Variants in MYCBP2 observed in about 807,000 individuals in gnomAD.
MYCBP2 encodes MYC binding protein 2, also known as E3 ubiquitin-protein ligase MYCBP2.
Under a neutral mutation model 525.3 loss-of-function variants are expected in MYCBP2, and 120 were observed. The ratio of observed to expected loss-of-function variants is 0.23; its 90% CI spans 0.20 to 0.27. The LOEUF (loss-of-function observed/expected upper bound fraction) is 0.27. Among genes scored for constraint, MYCBP2 ranks in the 10% least tolerant of loss-of-function variants. The probability of loss-of-function intolerance (pLI) is 1.00; values close to 1 mark genes in which losing one functional copy is unlikely to be tolerated. For synonymous variants in MYCBP2, 1,894 were observed against 1,955.8 expected (o/e 0.97, Z 0.83); for missense variants, 4,149 against 5,657.1 (o/e 0.73, Z 8.55).
chr13:77,051,130 T>C lies in MYCBP2; in HGVS notation c.13788A>G (p.Glu4596=), dbSNP rs1440775163. The C allele has an allele frequency of 6.2e-7, 1 of 1,611,820 alleles. No homozygotes were observed. The highest frequency in any genetic ancestry group is 8.5e-7 in the Non-Finnish European group (1 of 1,179,462). ...MCPKHGTDFL[E]YKCRYCCSVA... ...CTGAACAGCAGTAGCGACATTTATA[T>C]TCCAAAAAGTCTGTGCCATGTTTGG... Residue 4596 remains glutamate, a synonymous_variant, in exon 82 of 83, where the codon GAA becomes GAG. Coordinates refer to ENST00000544440, the MANE Select transcript of MYCBP2 (RefSeq NM_015057.5).
Position 77,067,800 on chromosome 13 carries a change from C to T in MYCBP2, c.12236G>A (p.Gly4079Glu). The T allele has an allele frequency of 1.2e-6, 2 of 1,614,130 alleles. No individual in the cohort carries two copies. Among genetic ancestry groups the T allele is most frequent in the Non-Finnish European group, 1.7e-6 (2 of 1,179,998 alleles). The part of the protein sequence containing the change: ...VTPSRLASII[G>E]VKSLPPADIS... ...ATCTGCTGGGGGGAGGGATTTCACTCCTATGATGCTGGCCAGACGACTAGG... is the reference window on the plus strand; with the variant it reads ...ATCTGCTGGGGGGAGGGATTTCACTTCTATGATGCTGGCCAGACGACTAGG... The change falls in exon 71 of 83, where the codon GGA (glycine) becomes GAA (glutamate). Residue 4079 changes from glycine (G) to glutamate (E), a missense_variant. Around this residue, in one of 21 missense-constraint regions of MYCBP2, gnomAD observed 148 missense variants for 179.4 expected, o/e 0.82. Coordinates refer to ENST00000544440, the MANE Select transcript of MYCBP2 (RefSeq NM_015057.5).
At chr13:77,124,249 A>G (rs1480477178) in intron 54 of MYCBP2, among the ~76,000 whole-genome samples, 4 of 152,146 alleles carry the variant, frequency 2.6e-5, no homozygotes, top group African/African-American at 7.2e-5. Context: ...TAAATTTAAG[A>G]TTATATCACC....
rs548646689 is a variant in MYCBP2 at position 77,227,343 on chromosome 13, T to TAA, written c.2738-1791_2738-1790dup. Among the ~76,000 whole-genome samples, 221 of 85,332 alleles carry TAA rather than the reference T, an allele frequency of 2.6e-3. 1 individual carries two copies. The highest frequency in any genetic ancestry group is 9.0e-3 in the African/African-American group (215 of 23,944). The allele number at this position is 85,332 out of a possible 152,430, so 56.0% of individuals were successfully genotyped here. A position where few individuals can be genotyped will look rare whatever the true frequency, so the allele number is the denominator to read the frequency against. On this transcript the variant is annotated intron_variant, in intron 18 of 82. Coordinates refer to ENST00000544440, the MANE Select transcript of MYCBP2 (RefSeq NM_015057.5). ...AAATTAAATCAAAGAATGGATGGAC[T>TAA]AAAAAAAAAAAAAAAAAACCAACAA... is the stretch of plus-strand genomic sequence containing the variant.
chr13:77,326,801 G>A lies in MYCBP2; in HGVS notation c.-26C>T. 1 of 1,397,130 alleles carries A rather than the reference G, an allele frequency of 7.2e-7. No homozygotes were observed. The highest frequency in any genetic ancestry group is 9.2e-7 in the Non-Finnish European group (1 of 1,088,572). 86.5% of individuals were successfully genotyped at this position (1,397,130 alleles called of 1,614,324 possible). ...CCTCGCCGCCGCCGCCGCCGCCGCC[G>A]CCTCGTCCCCGCGGGCCGGGCGGGC... On this transcript the variant is annotated 5_prime_UTR_variant, in exon 1 of 83. Transcript: ENST00000544440. The surrounding 1 kb of genome is among the most constrained non-coding windows in gnomAD (Gnocchi z 4.2).
At chr13:77,200,927 A>G (rs1460276816) in intron 26 of MYCBP2, among the ~76,000 whole-genome samples, 12 of 152,226 alleles carry the variant, frequency 7.9e-5, no homozygotes, top group South Asian at 4.1e-4. Context: ...GGTACCAGCC[A>G]CTGCAAAATC....
intron 14 of MYCBP2, among the ~76,000 whole-genome samples, chr13:77,252,650 A>G (rs1056340636): frequency 1.6e-4 from 25 of 152,266 alleles, no homozygotes; most frequent in African/African-American, 4.8e-4. Context: ...CATTTAACAT[A>G]CAGCTATCAC....
chr13:77,305,466 T>C (rs1301404935), intron 1 of MYCBP2, among the ~76,000 whole-genome samples: 1 of 152,134 alleles, frequency 6.6e-6, no homozygotes, highest in Non-Finnish European at 1.5e-5. Flanking sequence ...TAATTCCATT[T>C]ATATGTAATG....
intron 15 of MYCBP2, among the ~76,000 whole-genome samples, chr13:77,248,004 G>A (rs2070357424): frequency 6.6e-6 from 1 of 151,956 alleles, no homozygotes; most frequent in Non-Finnish European, 1.5e-5. Flanking sequence ...GGTGGGGGAA[G>A]CGGGGAGGGA....
intron 80 of MYCBP2, 93 bp from the exon 81 acceptor site, chr13:77,052,011 G>T: frequency 1.0e-6 from 1 of 957,668 alleles, no homozygotes; most frequent in Non-Finnish European, 1.6e-6. Context: ...AGATCTAGGG[G>T]TTTTAGAAAA....
chr13:77,187,842 C>T (rs926939460), intron 30 of MYCBP2, among the ~76,000 whole-genome samples: 1 of 151,586 alleles, frequency 6.6e-6, no homozygotes, highest in African/African-American at 2.4e-5. Context: ...GTCAGGGGTT[C>T]GAGACCAGCC....
intron 37 of MYCBP2, among the ~76,000 whole-genome samples, chr13:77,172,299 A>C (rs2059220894): frequency 6.6e-6 from 1 of 152,150 alleles, no homozygotes; most frequent in African/African-American, 2.4e-5. Context: ...CAGAATGAAG[A>C]CATGTATGGC....
At chr13:77,194,101 T>G (rs964569428) in intron 27 of MYCBP2, 52 bp downstream of exon 27, 28 of 1,172,290 alleles carry the variant, frequency 2.4e-5, no homozygotes, top group Non-Finnish European at 3.3e-5. Flanking sequence ...TATAATAAAT[T>G]TTTAATATTA....
chr13:77,320,988 T>G (rs1271590648), intron 1 of MYCBP2, among the ~76,000 whole-genome samples: 4 of 152,188 alleles, frequency 2.6e-5, no homozygotes, highest in African/African-American at 9.7e-5. Context: ...CTGACAGAAC[T>G]TTTTATATGA....
chr13:77,214,251 T>C (rs2064464434), intron 21 of MYCBP2, among the ~76,000 whole-genome samples: 1 of 152,174 alleles, frequency 6.6e-6, no homozygotes, highest in African/African-American at 2.4e-5. Context: ...TACAGGAGAA[T>C]TGTTAATATC....
intron 18 of MYCBP2, among the ~76,000 whole-genome samples, chr13:77,230,715 T>G (rs931829618): frequency 2.0e-5 from 3 of 152,212 alleles, no homozygotes; most frequent in Admixed American, 1.3e-4. Flanking sequence ...GCCACCCACG[T>G]AGACAAACTG....
chr13:77,283,096 G>A (rs927539762), intron 3 of MYCBP2, among the ~76,000 whole-genome samples: 2 of 152,050 alleles, frequency 1.3e-5, no homozygotes, highest in African/African-American at 4.8e-5. Context: ...CTTACTTACT[G>A]GAGTACAAAG....
chr13:77,177,322 TTTC>T (rs1265912206), intron 35 of MYCBP2, among the ~76,000 whole-genome samples: 13 of 150,456 alleles, frequency 8.6e-5, no homozygotes, highest in African/African-American at 3.2e-4. Flanking sequence ...TATTTTTCAA[TTTC>T]TTTTCTTTCT....
intron 52 of MYCBP2, among the ~76,000 whole-genome samples, chr13:77,133,049 T>A (rs990293090): frequency 1.3e-5 from 2 of 152,172 alleles, no homozygotes; most frequent in African/African-American, 4.8e-5. Context: ...AGTTTGGCAG[T>A]TCTAGTCAAA....
intron 22 of MYCBP2, 150 bp downstream of exon 22, chr13:77,211,806 C>T (rs1048777112): frequency 1.4e-5 from 9 of 649,578 alleles, no homozygotes; most frequent in Non-Finnish European, 2.4e-5. Context: ...CACATATAAA[C>T]GGAGACATTT....
Sources: allele counts gnomAD v4.1 joint callset (sites outside exome capture counted in the v4.1 genomes callset), GRCh38; gene constraint gnomAD v4.1.1; regional missense constraint gnomAD v4.1.1; non-coding constraint Gnocchi (gnomAD v3.1); transcripts MANE v1.5; gene names NCBI Gene and HGNC (gene_info 2026-07-23, HGNC 2026-07-21).